TMEM132D: variants seen among roughly 807,000 people sequenced by gnomAD.
The protein encoded by TMEM132D is transmembrane protein 132D.
Under a neutral mutation model 62.3 loss-of-function variants are expected in TMEM132D, and 21 were observed. That is an observed-to-expected ratio of 0.34 (90% CI 0.24 to 0.49). TMEM132D has a LOEUF of 0.49. TMEM132D is among the 20% of genes least tolerant of loss of function. TMEM132D has a pLI of 0.99. For missense variants in TMEM132D, 1,346 were observed against 1,402.8 expected (o/e 0.96, Z 0.65); for synonymous variants, 621 against 575.6 (o/e 1.08, Z -1.13).
chr12:129,148,308 A>G (rs182948464), intron 5 of TMEM132D, among the ~76,000 whole-genome samples: 351 of 152,286 alleles, frequency 2.3e-3, no homozygotes, highest in African/African-American at 7.1e-3. Context: ...TGGAACCGGT[A>G]AATATGTCAC....
intron 5 of TMEM132D, among the ~76,000 whole-genome samples, chr12:129,158,325 A>G (rs1240915460): frequency 6.6e-6 from 1 of 152,224 alleles, no homozygotes; most frequent in Non-Finnish European, 1.5e-5. Flanking sequence ...AAGAGGGAGA[A>G]ATCAAGAAGG....
chr12:129,811,384 C>G (rs1001352147), intron 1 of TMEM132D, among the ~76,000 whole-genome samples: 3 of 151,650 alleles, frequency 2.0e-5, no homozygotes, highest in Non-Finnish European at 4.4e-5. Context: ...CCCTCCATCC[C>G]TCACTACCCA....
At chr12:129,239,096 CA>C (rs1207156846) in intron 4 of TMEM132D, among the ~76,000 whole-genome samples, 1 of 150,508 alleles carries the variant, frequency 6.6e-6, no homozygotes, top group Non-Finnish European at 1.5e-5. Context: ...GGATGTTGAC[CA>C]TCTTTTCACG....
At chr12:129,222,196 C>T (rs915042389) in intron 4 of TMEM132D, among the ~76,000 whole-genome samples, 8 of 152,184 alleles carry the variant, frequency 5.3e-5, no homozygotes, top group Non-Finnish European at 1.2e-4. Flanking sequence ...TGAGGCTGGG[C>T]ATGTGGTCAT....
chr12:129,508,012 A>G (rs922293209), intron 3 of TMEM132D, among the ~76,000 whole-genome samples: 1 of 152,122 alleles, frequency 6.6e-6, no homozygotes. Context: ...TCCTGAGTAT[A>G]CAATTCCAAC....
chr12:129,754,669 C>T (rs984654296), intron 1 of TMEM132D, among the ~76,000 whole-genome samples: 1 of 152,052 alleles, frequency 6.6e-6, no homozygotes. Context: ...AAGGGATGGC[C>T]ATAAAATTCT....
At chr12:129,214,807 C>A (rs1056638158) in intron 4 of TMEM132D, among the ~76,000 whole-genome samples, 2 of 152,118 alleles carry the variant, frequency 1.3e-5, no homozygotes, top group African/African-American at 4.8e-5. Flanking sequence ...TTTTTAAAAA[C>A]CCACAGATAC....
chr12:129,233,481 GGATT>G lies in TMEM132D; in HGVS notation c.1300-23822_1300-23819del, dbSNP rs540711492. On this transcript the variant is annotated intron_variant, in intron 4 of 8. Transcript: ENST00000422113. ...ATAAGATGTATTTTTGGTGAGGTCA[GGATT>G]GATTCTATAAAAAAACATGCTCCCT... 2.2e-3 allele frequency among the ~76,000 whole-genome samples: 333 copies of G among 152,216 alleles called. 4 individuals are homozygous for G. Among genetic ancestry groups the G allele is most frequent in the African/African-American group, 7.8e-3 (325 of 41,514 alleles).
At chr12:129,559,296 C>T (rs1877148023) in intron 2 of TMEM132D, among the ~76,000 whole-genome samples, 1 of 152,204 alleles carries the variant, frequency 6.6e-6, no homozygotes, top group African/African-American at 2.4e-5. Flanking sequence ...AAGTAGAGAA[C>T]TCAGAAAACA....
At chr12:129,764,295 A>T (rs1870479609) in intron 1 of TMEM132D, among the ~76,000 whole-genome samples, 1 of 152,220 alleles carries the variant, frequency 6.6e-6, no homozygotes, top group South Asian at 2.1e-4. Flanking sequence ...GAAAGGAAGA[A>T]GGAAAAAGTG....
intron 5 of TMEM132D, among the ~76,000 whole-genome samples, chr12:129,188,472 T>C (rs1002461390): frequency 2.0e-4 from 30 of 152,232 alleles, no homozygotes; most frequent in African/African-American, 6.8e-4. Context: ...AGTTTTGTTA[T>C]GTAGCATTAT....
chr12:129,517,912 G>A (rs1049189203), intron 3 of TMEM132D, among the ~76,000 whole-genome samples: 7 of 152,020 alleles, frequency 4.6e-5, no homozygotes, highest in East Asian at 3.9e-4. Flanking sequence ...GAAACTTATC[G>A]GTGTCCTTAG....
chr12:129,109,412 T>C (rs962175245), intron 5 of TMEM132D, among the ~76,000 whole-genome samples: 2 of 152,066 alleles, frequency 1.3e-5, no homozygotes, highest in African/African-American at 4.8e-5. Flanking sequence ...AGTAAATGAG[T>C]TAATATAGAT....
At chr12:129,795,580 A>G (rs371482739) in intron 1 of TMEM132D, among the ~76,000 whole-genome samples, 3 of 152,108 alleles carry the variant, frequency 2.0e-5, no homozygotes, top group Non-Finnish European at 4.4e-5. Flanking sequence ...TGTCACTTAT[A>G]TTTTGCTGTA....
intron 1 of TMEM132D, among the ~76,000 whole-genome samples, chr12:129,839,632 T>TA (rs936113142): frequency 6.6e-5 from 10 of 152,086 alleles, no homozygotes; most frequent in Non-Finnish European, 1.2e-4. Flanking sequence ...GAATATGCCT[T>TA]AAAAAAAGAC....
chr12:129,127,294 A>C (rs1305841944), intron 5 of TMEM132D, among the ~76,000 whole-genome samples: 3 of 152,208 alleles, frequency 2.0e-5, no homozygotes, highest in Non-Finnish European at 4.4e-5. Flanking sequence ...AACATTGCGC[A>C]AACAAACATT....
At chr12:129,180,046 A>T (rs1878021169) in intron 5 of TMEM132D, among the ~76,000 whole-genome samples, 2 of 152,194 alleles carry the variant, frequency 1.3e-5, no homozygotes, top group South Asian at 4.2e-4. Context: ...AATAAAAAAA[A>T]AAAAAGTGAC....
chr12:129,084,449 C>T (rs544258949), intron 6 of TMEM132D, 48 bp downstream of exon 6: 115 of 1,534,194 alleles, frequency 7.5e-5, no homozygotes, highest in South Asian at 1.0e-4. Flanking sequence ...TTTACCACCC[C>T]GTACACTTCC....
rs60513263 is a variant in TMEM132D at position 129,116,918 on chromosome 12, CAAAAAAAAAAAAAAAAA to C, written c.1444-32233_1444-32217del. Among the ~76,000 whole-genome samples the C allele has an allele frequency of 5.1e-3, 304 of 59,056 alleles. 2 individuals carry two copies. The highest frequency in any genetic ancestry group is 0.019 in the African/African-American group (277 of 14,932). 38.7% of individuals were successfully genotyped at this position (59,056 alleles called of 152,430 possible). A position where few individuals can be genotyped will look rare whatever the true frequency, so the allele number is the denominator to read the frequency against. On this transcript the variant is annotated intron_variant, in intron 5 of 8. Transcript: ENST00000422113. ...TACCCAAATGAGCTGAAAATTTCCG[CAAAAAAAAAAAAAAAAA>C]AAAAAAAAAAAATCTGTACGTGAAT...
Sources: gnomAD v4.1 joint callset for allele counts (sites outside exome capture counted in the v4.1 genomes callset) on GRCh38, gnomAD v4.1.1 for gene constraint, MANE v1.5 for transcripts, NCBI Gene and HGNC (gene_info 2026-07-23, HGNC 2026-07-21) for gene names.